The following TAS1R1 variants were observed in gnomAD, a reference collection of about 807,000 sequenced individuals.
TAS1R1 encodes taste 1 receptor member 1, also known as taste receptor type 1 member 1.
Under a neutral mutation model 45.8 loss-of-function variants are expected in TAS1R1, and 31 were observed. The ratio of observed to expected loss-of-function variants is 0.68; its 90% CI spans 0.51 to 0.91. The LOEUF is 0.91. TAS1R1 is among the 40% of genes least tolerant of loss of function. The pLI is 0.00. For synonymous variants in TAS1R1, 437 were observed against 448.4 expected, an observed-to-expected ratio of 0.97 and a Z score of 0.32; for missense variants, 1,051 against 1,063.9, an observed-to-expected ratio of 0.99 and a Z score of 0.17.
rs758546795 is a variant in TAS1R1 at position 6,578,980 on chromosome 1, G to A, written c.1922G>A (p.Gly641Asp). Residue 641 changes from glycine (G) to aspartate (D), a missense_variant, in exon 6 of 6, where the codon GGT becomes GAT. Physicochemically the swap from Gly to Asp is moderately conservative, Grantham distance 94 (BLOSUM62 -1). Transcript: ENST00000333172. ...CLLRQALFAL[G>D]FTIFLSCLTV... ...CTACGCCAGGCCCTCTTTGCCCTTGGTTTCACCATCTTCCTGTCCTGCCTG... is the reference window on the plus strand; with the variant it reads ...CTACGCCAGGCCCTCTTTGCCCTTGATTTCACCATCTTCCTGTCCTGCCTG... 8 of 1,614,130 alleles carry A rather than the reference G, an allele frequency of 5.0e-6. No individual in the cohort carries two copies. The South Asian group carries it at 8.8e-5, about 18-fold the overall frequency.
intron 1 of TAS1R1, among the ~76,000 whole-genome samples, chr1:6,562,195 G>C (rs779776779): frequency 6.6e-6 from 1 of 152,192 alleles, no homozygotes; most frequent in Non-Finnish European, 1.5e-5. Context: ...TTGAGACGGA[G>C]TCTCACTCTG....
Position 6,575,061 on chromosome 1 carries a change from C to G in TAS1R1, c.929C>G (p.Thr310Ser). ...SEAWALSRHI[T>S]GVPGIQRIGM... is the part of the protein sequence containing the mutation. ...GCCTGGGCCCTCTCCAGGCACATCA[C>G]TGGGGTGCCCGGGATCCAGCGCATT... is the stretch of plus-strand genomic sequence containing the variant. The change falls in exon 3 of 6, where the codon ACT becomes AGT. Residue 310 changes from threonine to serine, a missense_variant. Thr to Ser is a moderately conservative substitution (Grantham distance 58). Transcript: ENST00000333172. 1 of 1,588,980 alleles carries G rather than the reference C, an allele frequency of 6.3e-7. No individual in the cohort carries two copies. The highest frequency in any genetic ancestry group is 1.2e-5 in the South Asian group (1 of 86,676).
intron 1 of TAS1R1, among the ~76,000 whole-genome samples, chr1:6,570,330 G>A (rs1639978229): frequency 1.3e-5 from 2 of 152,002 alleles, no homozygotes; most frequent in Non-Finnish European, 2.9e-5. Flanking sequence ...GGGAACATCT[G>A]CCTTGGCAGA....
At chr1:6,562,908 G>C (rs535605784) in intron 1 of TAS1R1, among the ~76,000 whole-genome samples, 1 of 152,200 alleles carries the variant, frequency 6.6e-6, no homozygotes, top group Non-Finnish European at 1.5e-5. Context: ...TTGCTAAGGC[G>C]GCTCCAGTGA....
intron 1 of TAS1R1, among the ~76,000 whole-genome samples, chr1:6,559,789 AAG>A (rs1330050618): frequency 6.6e-6 from 1 of 151,772 alleles, no homozygotes; most frequent in African/African-American, 2.4e-5. Flanking sequence ...TCAGGAGTTC[AAG>A]ACCAGCCTGG....
In TAS1R1 at chr1:6,579,726, T is replaced by TCTC; in HGVS notation, c.*143_*144insTCC. Reference sequence around the variant, plus strand: ...GCGCCTGGGAGAGCCTAGACCAGGCTCCGGGCTGCCAATAAAGAAGTGAAA... The same window carrying TCTC: ...GCGCCTGGGAGAGCCTAGACCAGGCTCTCCCGGGCTGCCAATAAAGAAGTGAAA... On this transcript the variant is annotated 3_prime_UTR_variant, in exon 6 of 6. Transcript: ENST00000333172. The TCTC allele has an allele frequency of 8.6e-7, 1 of 1,158,780 alleles. No individual in the cohort carries two copies. The highest frequency in any genetic ancestry group is 1.2e-6 in the Non-Finnish European group (1 of 846,172). The allele number at this position is 1,158,780 out of a possible 1,614,324, so 71.8% of individuals were successfully genotyped here.
At chr1:6,568,417 T>A (rs985293479) in intron 1 of TAS1R1, among the ~76,000 whole-genome samples, 7 of 148,528 alleles carry the variant, frequency 4.7e-5, no homozygotes, top group African/African-American at 1.5e-4. Flanking sequence ...ATTGCGCCAC[T>A]GCACTCCAGC....
intron 1 of TAS1R1, among the ~76,000 whole-genome samples, chr1:6,562,237 C>T (rs1382658629): frequency 1.3e-5 from 2 of 152,156 alleles, no homozygotes; most frequent in African/African-American, 4.8e-5. Flanking sequence ...GCCGAGATCC[C>T]GGCTCACTGC....
chr1:6,571,299 C>A (rs1640009998), intron 2 of TAS1R1, 84 bp downstream of exon 2: 1 of 1,228,164 alleles, frequency 8.1e-7, no homozygotes, highest in Non-Finnish European at 1.1e-6. Context: ...CTGTCCCCCC[C>A]AAGGCTGCCT....
At chr1:6,571,291 G>A (rs1018787224) in intron 2 of TAS1R1, 76 bp downstream of exon 2, 1 of 1,358,190 alleles carries the variant, frequency 7.4e-7, no homozygotes, top group Non-Finnish European at 9.5e-7. Context: ...AAGAGCTGCT[G>A]TCCCCCCCAA....
At chr1:6,577,211 G>GAC (rs1389498826) in intron 5 of TAS1R1, 141 bp downstream of exon 5, 26 of 1,276,288 alleles carry the variant, frequency 2.0e-5, no homozygotes, top group Non-Finnish European at 2.7e-5. Context: ...CAGGTTGGAG[G>GAC]ACACCTGCTA....
chr1:6,572,352 C>T (rs1006935906), intron 2 of TAS1R1, among the ~76,000 whole-genome samples: 1 of 150,130 alleles, frequency 6.7e-6, no homozygotes, highest in African/African-American at 2.5e-5. Context: ...CACTGTCTCC[C>T]AGGCTCAAGC....
Position 6,555,522 on chromosome 1 carries a change from G to C in TAS1R1, c.149G>C (p.Cys50Ser). ...LAGLFPLHSG[C>S]LQVRHRPEVT... ...GGCCTGTTCCCTCTCCATTCTGGCT[G>C]TCTGCAGGTGAGGCACAGACCCGAG... Residue 50 changes from cysteine to serine, a missense_variant, in exon 1 of 6, where the codon TGT becomes TCT. By Grantham distance (112) the Cys-to-Ser change is moderately radical. Coordinates refer to ENST00000333172, the MANE Select transcript of TAS1R1 (RefSeq NM_138697.4). The C allele has an allele frequency of 6.4e-7, 1 of 1,558,148 alleles. No homozygotes were observed. The highest frequency in any genetic ancestry group is 1.2e-5 in the South Asian group (1 of 84,596).
intron 1 of TAS1R1, among the ~76,000 whole-genome samples, chr1:6,557,391 A>G (rs1639704818): frequency 6.6e-6 from 1 of 152,154 alleles, no homozygotes; most frequent in African/African-American, 2.4e-5. Flanking sequence ...AAGAGGCTGG[A>G]AAATGGAACA....
intron 2 of TAS1R1, 27 bp downstream of exon 2, chr1:6,571,242 C>A: frequency 6.5e-7 from 1 of 1,533,260 alleles, no homozygotes; most frequent in South Asian, 1.3e-5. Context: ...GACCTTTGCC[C>A]ATCTCCCTTC....
At position 6,579,010 on chromosome 1, in the gene TAS1R1, T is replaced by C; in HGVS notation, c.1952T>C (p.Val651Ala). 1 of 1,613,882 alleles carries C rather than the reference T, an allele frequency of 6.2e-7. No individual in the cohort carries two copies. The highest frequency in any genetic ancestry group is 8.5e-7 in the Non-Finnish European group (1 of 1,179,790). ...GFTIFLSCLTVRSFQLIIIFK... is the reference protein window; with the variant it reads ...GFTIFLSCLTARSFQLIIIFK... ...ACCATCTTCCTGTCCTGCCTGACAG[T>C]TCGCTCATTCCAACTAATCATCATC... The change falls in exon 6 of 6, where the codon GTT becomes GCT. Residue 651 changes from valine to alanine, a missense_variant. Coordinates refer to ENST00000333172, the MANE Select transcript of TAS1R1 (RefSeq NM_138697.4).
rs376557401 is a variant in TAS1R1 at position 6,557,558 on chromosome 1, C to T, written c.191+1994C>T. Reference sequence around the variant, plus strand: ...TCAAGTGATTCTCCTGCCCCAGCCTCCCAAGTAGCTGGGACTACAGGCATG... The same window carrying T: ...TCAAGTGATTCTCCTGCCCCAGCCTTCCAAGTAGCTGGGACTACAGGCATG... On this transcript the variant is annotated intron_variant, in intron 1 of 5. Transcript: ENST00000333172. Among the ~76,000 whole-genome samples, 3 of 152,238 alleles carry T rather than the reference C, an allele frequency of 2.0e-5. No individual in the cohort carries two copies. In the East Asian group the frequency reaches 5.8e-4, roughly 29 times the overall value.
rs927196160 is a variant in TAS1R1 at position 6,578,177 on chromosome 1, C to A, written c.1595-476C>A. Reference sequence around the variant, plus strand: ...CAGGTCCTTAGTTGGTGTCCAGGGGCCACATTCTTTCCTTTCACCATCTCT... The same window carrying A: ...CAGGTCCTTAGTTGGTGTCCAGGGGACACATTCTTTCCTTTCACCATCTCT... On this transcript the variant is annotated intron_variant, in intron 5 of 5. Transcript: ENST00000333172. 1.2e-4 allele frequency among the ~76,000 whole-genome samples: 18 copies of A among 152,156 alleles called. 1 individual carries two copies. The highest frequency in any genetic ancestry group is 1.0e-3 in the Admixed American group (16 of 15,282).
At chr1:6,570,069 C>T (rs1461767879) in intron 1 of TAS1R1, among the ~76,000 whole-genome samples, 1 of 149,866 alleles carries the variant, frequency 6.7e-6, no homozygotes, top group Non-Finnish European at 1.5e-5. Context: ...TCTGGGGATG[C>T]CCGGCCAGAG....
Sources: allele counts gnomAD v4.1 joint callset (sites outside exome capture counted in the v4.1 genomes callset), GRCh38; gene constraint gnomAD v4.1.1; transcripts MANE v1.5; gene names NCBI Gene and HGNC (gene_info 2026-07-23, HGNC 2026-07-21).